KDM7A: variants seen among roughly 807,000 people sequenced by gnomAD.
KDM7A encodes the protein lysine demethylase 7A, also known as lysine-specific demethylase 7A.
A neutral mutation model predicts 114.8 loss-of-function variants in KDM7A; 28 were observed. The observed-to-expected ratio is 0.24, with a 90% CI of 0.18 to 0.33. The LOEUF is 0.33. Among genes scored for constraint, KDM7A ranks in the 10% least tolerant of loss-of-function variants. The probability of loss-of-function intolerance (pLI) is 1.00; values close to 1 mark genes in which losing one functional copy is unlikely to be tolerated. For synonymous variants in KDM7A, 423 were observed against 397.8 expected, an observed-to-expected ratio of 1.06 and a Z score of -0.75; for missense variants, 942 against 1,142.5, an observed-to-expected ratio of 0.82 and a Z score of 2.53.
At chr7:140,155,511 AT>A (rs1794448964) in intron 1 of KDM7A, among the ~76,000 whole-genome samples, 1 of 152,224 alleles carries the variant, frequency 6.6e-6, no homozygotes. Flanking sequence ...GGCTAGGGTC[AT>A]CCTTTTGTCA....
At chr7:140,162,266 C>T (rs576988839) in intron 1 of KDM7A, among the ~76,000 whole-genome samples, 6 of 150,978 alleles carry the variant, frequency 4.0e-5, no homozygotes, top group African/African-American at 1.2e-4. Context: ...ACCCAGGAGG[C>T]GGAAGTTGTG....
chr7:140,084,828 C>T lies in KDM7A; in HGVS notation c.*6266G>A, dbSNP rs1554393545. On this transcript the variant is annotated 3_prime_UTR_variant, in exon 20 of 20. Coordinates refer to ENST00000397560, the MANE Select transcript of KDM7A (RefSeq NM_030647.2). ...CATTTATACTTTCAAACAAAATGAGCAAAAAATACACTAAGTGCTAAAAAA... is the reference window on the plus strand; with the variant it reads ...CATTTATACTTTCAAACAAAATGAGTAAAAAATACACTAAGTGCTAAAAAA... 1 of 151,846 alleles carries T rather than the reference C, an allele frequency of 6.6e-6. No individual in the cohort carries two copies. Among genetic ancestry groups the T allele is most frequent in the African/African-American group, 2.4e-5 (1 of 41,304 alleles). 9.4% of individuals were successfully genotyped at this position (151,846 alleles called of 1,614,324 possible).
At chr7:140,170,294 A>G (rs1794624311) in intron 1 of KDM7A, among the ~76,000 whole-genome samples, 1 of 152,244 alleles carries the variant, frequency 6.6e-6, no homozygotes, top group Non-Finnish European at 1.5e-5. Flanking sequence ...TTTACATTAA[A>G]GAAAATAATT....
intron 7 of KDM7A, among the ~76,000 whole-genome samples, chr7:140,122,679 A>G (rs1462458833): frequency 6.6e-6 from 1 of 152,324 alleles, no homozygotes. Flanking sequence ...TATACTCTAC[A>G]TTCATTTACA....
Position 140,145,287 on chromosome 7 carries a change from C to T in KDM7A, c.195-6097G>A, listed in dbSNP as rs1406377841. 3.3e-5 allele frequency among the ~76,000 whole-genome samples: 5 copies of T among 151,902 alleles called. No individual in the cohort carries two copies. In the South Asian group the frequency reaches 8.3e-4, roughly 25 times the overall value. ...TTTACAAGGGAATTAAAGGATGACC[C>T]GTGAAATGTAAGTGGTCAAAAAAGA... is the stretch of plus-strand genomic sequence containing the variant. On this transcript the variant is annotated intron_variant, in intron 1 of 19. Transcript: ENST00000397560.
intron 9 of KDM7A, among the ~76,000 whole-genome samples, chr7:140,115,805 A>T (rs978379152): frequency 9.3e-5 from 12 of 128,410 alleles, no homozygotes; most frequent in South Asian, 2.3e-4. Flanking sequence ...AAATAAATTT[A>T]AAAAAAATAA....
intron 3 of KDM7A, among the ~76,000 whole-genome samples, chr7:140,132,832 A>G (rs887395158): frequency 3.9e-5 from 6 of 152,220 alleles, no homozygotes; most frequent in Non-Finnish European, 7.3e-5. Context: ...AGGATCTGAA[A>G]TAATTCCATA....
intron 1 of KDM7A, among the ~76,000 whole-genome samples, chr7:140,139,711 T>C (rs2116821211): frequency 6.6e-6 from 1 of 151,174 alleles, no homozygotes; most frequent in Non-Finnish European, 1.5e-5. Context: ...GAAGGAAAAA[T>C]AAACAGCAGA....
At chr7:140,091,689 G>A (rs1818023172) in intron 19 of KDM7A, 115 bp downstream of exon 19, 1 of 1,133,004 alleles carries the variant, frequency 8.8e-7, no homozygotes, top group Non-Finnish European at 1.3e-6. Context: ...TCACTATGCT[G>A]TCTACTATGC....
intron 11 of KDM7A, among the ~76,000 whole-genome samples, chr7:140,107,704 A>G (rs4574767): frequency 0.2 from 30,199 of 151,910 alleles, 3,729 homozygotes; most frequent in East Asian, 0.32. Context: ...TGCCCTTAAC[A>G]TTTTTTCCTT....
chr7:140,102,655 TA>T (rs1416344656), intron 11 of KDM7A, among the ~76,000 whole-genome samples: 1 of 152,186 alleles, frequency 6.6e-6, no homozygotes, highest in African/African-American at 2.4e-5. Context: ...TTACCGGTGT[TA>T]AATTAGCCAC....
At chr7:140,158,598 G>A (rs1794484401) in intron 1 of KDM7A, among the ~76,000 whole-genome samples, 1 of 152,114 alleles carries the variant, frequency 6.6e-6, no homozygotes, top group African/African-American at 2.4e-5. Flanking sequence ...ATATAAAGTT[G>A]GCAATTTATA....
At chr7:140,099,391 C>T (rs1182151395) in intron 13 of KDM7A, among the ~76,000 whole-genome samples, 1 of 152,054 alleles carries the variant, frequency 6.6e-6, no homozygotes, top group Non-Finnish European at 1.5e-5. Context: ...GAGATGGAGT[C>T]TTGCTAAGTT....
intron 1 of KDM7A, among the ~76,000 whole-genome samples, chr7:140,144,833 G>T (rs1039626552): frequency 2.0e-5 from 3 of 152,104 alleles, no homozygotes; most frequent in Admixed American, 6.6e-5. Flanking sequence ...GTCTTGTGCT[G>T]TCCTAGGGAT....
chr7:140,102,196 G>A (rs1562946723), intron 11 of KDM7A, 36 bp from the exon 12 acceptor site: 2 of 1,443,406 alleles, frequency 1.4e-6, no homozygotes, highest in Non-Finnish European at 9.8e-7. Context: ...TTTATAAGAA[G>A]GCTGTTACAC....
chr7:140,099,069 C>G, intron 13 of KDM7A, 36 bp from the exon 14 acceptor site: 1 of 1,529,378 alleles, frequency 6.5e-7, no homozygotes, highest in East Asian at 2.3e-5. Flanking sequence ...GAATATAGTG[C>G]AAGACTCTGT....
intron 17 of KDM7A, 63 bp from the exon 18 acceptor site, chr7:140,094,201 C>T (rs1818067009): frequency 9.8e-7 from 1 of 1,023,716 alleles, no homozygotes; most frequent in African/African-American, 1.6e-5. Context: ...CAAAATTAGC[C>T]TAATGCTTAA....
chr7:140,139,382 A>C (rs959781033), intron 1 of KDM7A, among the ~76,000 whole-genome samples, 192 bp from the exon 2 acceptor site: 5 of 152,222 alleles, frequency 3.3e-5, no homozygotes, highest in African/African-American at 1.2e-4. Context: ...GTGAGGGAGA[A>C]TATACTATAC....
At chr7:140,170,899 AAAC>A (rs2116860645) in intron 1 of KDM7A, among the ~76,000 whole-genome samples, 1 of 152,308 alleles carries the variant, frequency 6.6e-6, no homozygotes, top group South Asian at 2.1e-4. Flanking sequence ...TTCAAGACAG[AAAC>A]AACAAATTTT....
Sources: gnomAD v4.1 joint callset for allele counts (sites outside exome capture counted in the v4.1 genomes callset) on GRCh38, gnomAD v4.1.1 for gene constraint, MANE v1.5 for transcripts, NCBI Gene and HGNC (gene_info 2026-07-23, HGNC 2026-07-21) for gene names.